NR3C1: variants seen among roughly 807,000 people sequenced by gnomAD.
NR3C1 encodes the protein glucocorticoid receptor.
A neutral mutation model predicts 74.0 loss-of-function variants in NR3C1; 14 were observed. The observed-to-expected ratio is 0.19, with a 90% confidence interval of 0.12 to 0.30. NR3C1 has a LOEUF of 0.30. Ranked by LOEUF, NR3C1 falls within the 10% of genes least tolerant of loss-of-function variation. The probability of loss-of-function intolerance (pLI) is 1.00; values close to 1 mark genes in which losing one functional copy is unlikely to be tolerated. For missense variants in NR3C1, 695 were observed against 909.8 expected (o/e 0.76, Z 3.04); for synonymous variants, 308 against 332.5 (o/e 0.93, Z 0.80).
chr5:143,434,126 C>T (rs553860433), intron 1 of NR3C1, among the ~76,000 whole-genome samples: 8 of 152,306 alleles, frequency 5.3e-5, no homozygotes, highest in African/African-American at 1.4e-4. Context: ...GAAGCCCCTC[C>T]GCCACTATCA....
At chr5:143,397,574 T>C (rs1320236894) in intron 2 of NR3C1, among the ~76,000 whole-genome samples, 1 of 151,946 alleles carries the variant, frequency 6.6e-6, no homozygotes, top group Non-Finnish European at 1.5e-5. Flanking sequence ...GTATAAAATC[T>C]TCAAATATTA....
At position 143,403,520 on chromosome 5, in the gene NR3C1, C is replaced by T. The variant is rs1366594749; in HGVS notation, c.-323G>A. ...CTCCGGCTGCGGCGTCTCCTTCCAC[C>T]CACAGAATCCGTCCCCGACGGGCAG... On this transcript the variant is annotated 5_prime_UTR_variant, in exon 1 of 9. Transcript: ENST00000394464. The T allele has an allele frequency of 5.1e-6, 5 of 985,514 alleles. No individual in the cohort carries two copies. Among genetic ancestry groups the T allele is most frequent in the Non-Finnish European group, 6.0e-6 (5 of 830,036 alleles). The allele number at this position is 985,514 out of a possible 1,614,324, so 61.0% of individuals were successfully genotyped here.
chr5:143,306,874 A>ATTTTTTTTTTTTTTT (rs70991802), intron 4 of NR3C1, among the ~76,000 whole-genome samples: 1 of 82,904 alleles, frequency 1.2e-5, no homozygotes, highest in African/African-American at 5.1e-5. Flanking sequence ...GTATGCTTAA[A>ATTTTTTTTTTTTTTT]TTTTTTTTTT....
chr5:143,352,756 A>C (rs1830451344), intron 2 of NR3C1, among the ~76,000 whole-genome samples: 1 of 152,202 alleles, frequency 6.6e-6, no homozygotes, highest in African/African-American at 2.4e-5. Flanking sequence ...AAAAATGCTA[A>C]CAATCATTTG....
intron 2 of NR3C1, among the ~76,000 whole-genome samples, chr5:143,381,230 C>T (rs150983584): frequency 5.3e-5 from 8 of 151,650 alleles, no homozygotes; most frequent in East Asian, 1.9e-4. Flanking sequence ...ATAAACTCAA[C>T]GAAAGAAGTG....
At chr5:143,323,912 A>C (rs1346593171) in intron 2 of NR3C1, among the ~76,000 whole-genome samples, 1 of 152,226 alleles carries the variant, frequency 6.6e-6, no homozygotes, top group African/African-American at 2.4e-5. Flanking sequence ...TTAAAGCCCC[A>C]AAATGATCTC....
intron 1 of NR3C1, 94 bp downstream of exon 1, chr5:143,403,117 G>T: frequency 9.3e-4 from 408 of 436,390 alleles, no homozygotes; most frequent in Middle Eastern, 1.2e-3. Context: ...ATAAAAGTTT[G>T]TAGGCTCCCG....
At chr5:143,387,157 AC>A (rs796186917) in intron 2 of NR3C1, among the ~76,000 whole-genome samples, 5 of 152,288 alleles carry the variant, frequency 3.3e-5, no homozygotes, top group African/African-American at 1.2e-4. Flanking sequence ...GGGAACAGAA[AC>A]TTAATTCCCT....
chr5:143,392,295 C>A (rs1838394647), intron 2 of NR3C1, among the ~76,000 whole-genome samples: 1 of 152,176 alleles, frequency 6.6e-6, no homozygotes, highest in Non-Finnish European at 1.5e-5. Context: ...AGTAAACGTA[C>A]ATGCACAAAT....
At chr5:143,430,176 CAT>C (rs1236089696) in intron 1 of NR3C1, among the ~76,000 whole-genome samples, 1 of 151,650 alleles carries the variant, frequency 6.6e-6, no homozygotes, top group Non-Finnish European at 1.5e-5. Flanking sequence ...AAATAATAAG[CAT>C]ATATGTTTGT....
At chr5:143,310,928 T>C (rs534456751) in intron 3 of NR3C1, among the ~76,000 whole-genome samples, 1 of 152,374 alleles carries the variant, frequency 6.6e-6, no homozygotes, top group African/African-American at 2.4e-5. Flanking sequence ...TGTGCTGGGA[T>C]TACAGGCATG....
intron 2 of NR3C1, among the ~76,000 whole-genome samples, chr5:143,398,690 A>G (rs1435477474): frequency 6.6e-6 from 1 of 152,124 alleles, no homozygotes; most frequent in South Asian, 2.1e-4. Context: ...TTCCTTCACA[A>G]CTAAAATGGA....
At chr5:143,424,199 A>T (rs10477210) in intron 1 of NR3C1, among the ~76,000 whole-genome samples, 16,588 of 141,410 alleles carry the variant, frequency 0.12, 2,521 homozygotes, top group African/African-American at 0.34. Flanking sequence ...GTACCCTAAA[A>T]CTTATAGTAT....
At chr5:143,294,973 ATC>A (rs1468851560) in intron 7 of NR3C1, 3 of 985,282 alleles carry the variant, frequency 3.0e-6, no homozygotes, top group East Asian at 2.3e-4. Flanking sequence ...TAGATAATGA[ATC>A]TCTGACAATC....
In NR3C1 at chr5:143,362,552, A is replaced by G. The variant is rs143148365; in HGVS notation, c.1184+37104T>C. Among the ~76,000 whole-genome samples, 839 of 151,952 alleles carry G rather than the reference A, an allele frequency of 5.5e-3. 5 individuals are homozygous for G. The highest frequency in any genetic ancestry group is 0.022 in the East Asian group (116 of 5,168). On this transcript the variant is annotated intron_variant, in intron 2 of 8. Coordinates refer to ENST00000394464, the MANE Select transcript of NR3C1 (RefSeq NM_000176.3). ...TTTTTTCGTATTTTTTAGTAGAGAC[A>G]GGGTTTCACCGTGTTAGCCAGGATG...
chr5:143,334,809 T>C (rs536803301), intron 2 of NR3C1, among the ~76,000 whole-genome samples: 1 of 152,202 alleles, frequency 6.6e-6, no homozygotes, highest in South Asian at 2.1e-4. Flanking sequence ...GTAAGTTTTC[T>C]TAGTTAGCCT....
rs61757443 is a variant in NR3C1 at position 143,412,511 on chromosome 5, G to A, written c.-13-11659C>T. Among the ~76,000 whole-genome samples, 241 of 151,814 alleles carry A rather than the reference G, an allele frequency of 1.6e-3. 1 individual carries two copies. The highest frequency in any genetic ancestry group is 5.6e-3 in the African/African-American group (231 of 41,366). ...CACATATATTGCTGTCCCCTTTCAT[G>A]CTTCTCACTTCTTCATTCCTATTTT... On this transcript the variant is annotated intron_variant, in intron 1 of 8. Coordinates refer to the NR3C1 transcript ENST00000343796.
At chr5:143,407,956 T>C (rs1841169950), upstream of NR3C1, among the ~76,000 whole-genome samples, 1 of 152,166 alleles carries the variant, frequency 6.6e-6, no homozygotes. Context: ...AGCCTTCTAG[T>C]GGATGTGATT....
At chr5:143,301,715 C>T (rs148717495) in intron 4 of NR3C1, among the ~76,000 whole-genome samples, 14 of 152,086 alleles carry the variant, frequency 9.2e-5, no homozygotes, top group African/African-American at 3.4e-4. Context: ...ATTTATATCA[C>T]GAAGAAATGT....
Sources: gnomAD v4.1 joint callset for allele counts (sites outside exome capture counted in the v4.1 genomes callset) on GRCh38, gnomAD v4.1.1 for gene constraint, MANE v1.5 for transcripts, NCBI Gene and HGNC (gene_info 2026-07-23, HGNC 2026-07-21) for gene names.